The following ZCCHC7 variants were observed in gnomAD, a reference collection of about 807,000 sequenced individuals.
ZCCHC7 encodes the protein zinc finger CCHC-type containing 7.
Under a neutral mutation model 52.0 loss-of-function variants are expected in ZCCHC7, and 35 were observed. The ratio of observed to expected loss-of-function variants is 0.67; its 90% CI spans 0.51 to 0.89. The LOEUF (loss-of-function observed/expected upper bound fraction) is 0.89, where lower values mean the gene tolerates loss of function less well. Among genes scored for constraint, ZCCHC7 ranks in the 40% least tolerant of loss-of-function variants. The probability of loss-of-function intolerance (pLI) is 0.00; values close to 1 mark genes in which losing one functional copy is unlikely to be tolerated. For missense variants in ZCCHC7, 574 were observed against 649.1 expected (o/e 0.88, Z 1.26); for synonymous variants, 217 against 221.5 (o/e 0.98, Z 0.18).
At position 37,169,259 on chromosome 9, in the gene ZCCHC7, A is replaced by G. The variant is rs1821598365; in HGVS notation, c.610+42317A>G. The stretch of plus-strand genomic sequence containing the variant: ...CTCTTTTGAGATTTGATGTCAGTTC[A>G]AGGGAAGCATTCCATTGATGTCAGG... On this transcript the variant is annotated intron_variant, in intron 2 of 8. Coordinates refer to ENST00000336755, the MANE Select transcript of ZCCHC7 (RefSeq NM_032226.3). Among the ~76,000 whole-genome samples the G allele has an allele frequency of 4.6e-5, 7 of 152,342 alleles. No homozygotes were observed. In the South Asian group the frequency reaches 1.5e-3, roughly 32 times the overall value.
At chr9:37,211,783 C>T (rs984976685) in intron 2 of ZCCHC7, among the ~76,000 whole-genome samples, 6 of 152,078 alleles carry the variant, frequency 3.9e-5, no homozygotes, top group African/African-American at 1.4e-4. Context: ...AATCACAGCA[C>T]TTTGGGAGGC....
At chr9:37,172,550 G>A (rs1295999415) in intron 2 of ZCCHC7, among the ~76,000 whole-genome samples, 1 of 152,230 alleles carries the variant, frequency 6.6e-6, no homozygotes, top group Non-Finnish European at 1.5e-5. Context: ...GTGTCTTGCA[G>A]TGGTTCATAA....
intron 6 of ZCCHC7, among the ~76,000 whole-genome samples, chr9:37,344,984 A>G (rs1343320257): frequency 1.3e-5 from 2 of 152,158 alleles, no homozygotes; most frequent in Non-Finnish European, 2.9e-5. Flanking sequence ...CCCTTCTTGC[A>G]TACACAGCCT....
rs138538715 is a variant in ZCCHC7 at position 37,174,833 on chromosome 9, A to G, written c.610+47891A>G. ...TGCTTTATGGGAAAGTTACCCTAAC[A>G]GCCTTAAGAATATTCGATCCTGGCC... On this transcript the variant is annotated intron_variant, in intron 2 of 8. Coordinates refer to ENST00000336755, the MANE Select transcript of ZCCHC7 (RefSeq NM_032226.3). Among the ~76,000 whole-genome samples, 337 of 152,272 alleles carry G rather than the reference A, an allele frequency of 2.2e-3. 4 individuals carry two copies. The highest frequency in any genetic ancestry group is 7.5e-3 in the African/African-American group (312 of 41,558).
rs372055623 is a variant in ZCCHC7, at chr9:37,319,071, A to G, written c.952-8728A>G. ...TTTATTTGCGAGTTCTATATTAGTC[A>G]TTCTAATAGATGTATACTGTCTATC... On this transcript the variant is annotated intron_variant, in intron 5 of 8. Coordinates refer to ENST00000336755, the MANE Select transcript of ZCCHC7 (RefSeq NM_032226.3). Among the ~76,000 whole-genome samples, 8 of 151,820 alleles carry G rather than the reference A, an allele frequency of 5.3e-5. No individual in the cohort carries two copies. In the East Asian group the frequency reaches 5.8e-4, roughly 11 times the overall value.
Position 37,339,458 on chromosome 9 carries a change from T to C in ZCCHC7, c.988-9899T>C, listed in dbSNP as rs80212865. 5.8e-3 allele frequency among the ~76,000 whole-genome samples: 884 copies of C among 152,314 alleles called. 23 individuals carry two copies. The highest frequency in any genetic ancestry group is 0.049 in the East Asian group (255 of 5,182). Reference sequence around the variant, plus strand: ...TGTTGTCTCACAGCCTCTGCTTTGGTTCAGTTCACTATAAAACAGTTTGCC... The same window carrying C: ...TGTTGTCTCACAGCCTCTGCTTTGGCTCAGTTCACTATAAAACAGTTTGCC... On this transcript the variant is annotated intron_variant, in intron 6 of 8. Coordinates refer to ENST00000336755, the MANE Select transcript of ZCCHC7 (RefSeq NM_032226.3).
chr9:37,320,561 A>G (rs1184504592), intron 5 of ZCCHC7, among the ~76,000 whole-genome samples: 5 of 152,176 alleles, frequency 3.3e-5, no homozygotes, highest in South Asian at 2.1e-4. Flanking sequence ...CTTCCAATCC[A>G]TGAATATGGT....
chr9:37,206,860 C>T (rs1226606419), intron 2 of ZCCHC7, among the ~76,000 whole-genome samples: 1 of 152,038 alleles, frequency 6.6e-6, no homozygotes, highest in African/African-American at 2.4e-5. Context: ...CACTATTCTG[C>T]CATGTCTGTG....
intron 2 of ZCCHC7, among the ~76,000 whole-genome samples, chr9:37,132,080 G>T (rs751288605): frequency 4.6e-5 from 7 of 151,428 alleles, no homozygotes; most frequent in Admixed American, 4.6e-4. Flanking sequence ...CTTGATTCCC[G>T]CCCCTTCCTT....
intron 2 of ZCCHC7, among the ~76,000 whole-genome samples, chr9:37,199,327 CTTTTTTTT>C (rs57881366): frequency 4.6e-5 from 6 of 129,684 alleles, no homozygotes; most frequent in Admixed American, 1.6e-4. Context: ...TTTCTTTCTT[CTTTTTTTT>C]TTTTTTTTTT....
rs548068141 is a variant in ZCCHC7, at chr9:37,227,897, G to A, written c.611-74291G>A. On this transcript the variant is annotated intron_variant, in intron 2 of 8. Coordinates refer to ENST00000336755, the MANE Select transcript of ZCCHC7 (RefSeq NM_032226.3). ...AGCTCACTCTGCCTCCCAGGTTCAA[G>A]AGATTCTTGTGCCTCAGCCTCCTGA... Among the ~76,000 whole-genome samples, 3 of 152,244 alleles carry A rather than the reference G, an allele frequency of 2.0e-5. No homozygotes were observed. In the East Asian group the frequency reaches 5.8e-4, roughly 29 times the overall value.
intron 2 of ZCCHC7, 80 bp downstream of exon 2, chr9:37,127,022 G>A: frequency 1.3e-6 from 2 of 1,494,888 alleles, no homozygotes; most frequent in South Asian, 2.6e-5. Flanking sequence ...AAGACCAATA[G>A]GGTCTACTCC....
At chr9:37,168,179 C>T (rs1424918719) in intron 2 of ZCCHC7, among the ~76,000 whole-genome samples, 1 of 152,184 alleles carries the variant, frequency 6.6e-6, no homozygotes, top group African/African-American at 2.4e-5. Context: ...AAACTTTGGG[C>T]AGTGCTAGAA....
chr9:37,182,481 C>T (rs942558902), intron 2 of ZCCHC7, among the ~76,000 whole-genome samples: 1 of 152,000 alleles, frequency 6.6e-6, no homozygotes, highest in Admixed American at 6.6e-5. Flanking sequence ...TCTCTTGCCT[C>T]AGCCTCTTGA....
At chr9:37,337,133 G>A (rs903124367) in intron 6 of ZCCHC7, among the ~76,000 whole-genome samples, 1 of 152,088 alleles carries the variant, frequency 6.6e-6, no homozygotes, top group Non-Finnish European at 1.5e-5. Flanking sequence ...TCCCCTAAAA[G>A]TGATTCCTTC....
chr9:37,310,620 T>C (rs1268378418), intron 5 of ZCCHC7, among the ~76,000 whole-genome samples: 1 of 152,176 alleles, frequency 6.6e-6, no homozygotes, highest in Non-Finnish European at 1.5e-5. Flanking sequence ...ACTTTATGAC[T>C]ATGTGGAGAA....
intron 2 of ZCCHC7, chr9:37,147,360 A>G (rs1330473240): frequency 6.6e-6 from 1 of 152,046 alleles, no homozygotes; most frequent in African/African-American, 2.4e-5. Flanking sequence ...CTGTCTAACC[A>G]GGTAATACCT....
At chr9:37,247,641 T>C (rs1826135514) in intron 2 of ZCCHC7, among the ~76,000 whole-genome samples, 1 of 152,174 alleles carries the variant, frequency 6.6e-6, no homozygotes, top group Non-Finnish European at 1.5e-5. Flanking sequence ...GTGTAGTGGC[T>C]CACACCTTTA....
chr9:37,306,610 C>G (rs1829321730), intron 5 of ZCCHC7, among the ~76,000 whole-genome samples: 2 of 150,622 alleles, frequency 1.3e-5, no homozygotes, highest in Admixed American at 6.6e-5. Flanking sequence ...GGATTACAGG[C>G]ACGTGCCACC....
Sources: gnomAD v4.1 joint callset for allele counts (sites outside exome capture counted in the v4.1 genomes callset) on GRCh38, gnomAD v4.1.1 for gene constraint, MANE v1.5 for transcripts, NCBI Gene and HGNC (gene_info 2026-07-23, HGNC 2026-07-21) for gene names.